ODR4: variants seen among roughly 807,000 people sequenced by gnomAD.
ODR4 encodes the protein odr-4 GPCR localization factor homolog.
Under a neutral mutation model 60.2 loss-of-function variants are expected in ODR4, and 47 were observed. The observed-to-expected ratio is 0.78, with a 90% CI of 0.62 to 1.00. The LOEUF is 1.00. Among genes scored for constraint, ODR4 ranks in the 50% least tolerant of loss-of-function variants. ODR4 has a pLI of 0.00. For missense variants in ODR4, 488 were observed against 530.8 expected (o/e 0.92, Z 0.79); for synonymous variants, 178 against 175.5 (o/e 1.01, Z -0.11).
rs544359408 is a variant in ODR4 at position 186,383,748 on chromosome 1, G to A, written c.234+592G>A. Among the ~76,000 whole-genome samples, 279 of 139,204 alleles carry A rather than the reference G, an allele frequency of 2.0e-3. 1 individual carries two copies. Among genetic ancestry groups the A allele is most frequent in the African/African-American group, 6.7e-3 (264 of 39,396 alleles). 91.3% of individuals were successfully genotyped at this position (139,204 alleles called of 152,430 possible). ...GTGTTTGATTATGGAGCAGTGTGTA[G>A]TTATATTTAAAAAAAAAATAAAATC... On this transcript the variant is annotated intron_variant, in intron 3 of 13. Transcript: ENST00000287859.
chr1:186,381,018 A>G (rs1659998924), intron 2 of ODR4, among the ~76,000 whole-genome samples: 2 of 152,232 alleles, frequency 1.3e-5, no homozygotes, highest in Non-Finnish European at 2.9e-5. Flanking sequence ...TGGTTCAACC[A>G]GGTAGCACCA....
At chr1:186,402,367 T>C (rs577346475) in intron 11 of ODR4, among the ~76,000 whole-genome samples, 3 of 137,330 alleles carry the variant, frequency 2.2e-5, no homozygotes, top group African/African-American at 1.0e-4. Context: ...TTTCCTTTTC[T>C]CTCTCCTTCC....
intron 12 of ODR4, among the ~76,000 whole-genome samples, chr1:186,414,405 A>G (rs1422841676): frequency 6.6e-6 from 1 of 152,142 alleles, no homozygotes; most frequent in African/African-American, 2.4e-5. Flanking sequence ...TTTATATGCA[A>G]GTATTCAAGT....
At chr1:186,381,429 G>C (rs961297825) in intron 2 of ODR4, among the ~76,000 whole-genome samples, 1 of 151,738 alleles carries the variant, frequency 6.6e-6, no homozygotes, top group African/African-American at 2.4e-5. Context: ...TGGGGTTCAC[G>C]CCATTCTCCT....
intron 7 of ODR4, among the ~76,000 whole-genome samples, chr1:186,391,270 T>C (rs1209568083): frequency 6.6e-6 from 1 of 151,984 alleles, no homozygotes; most frequent in Non-Finnish European, 1.5e-5. Flanking sequence ...TTCCAGTTCT[T>C]TTTTGTATTT....
downstream of ODR4, among the ~76,000 whole-genome samples, chr1:186,421,931 A>G (rs1376758843): frequency 6.6e-6 from 1 of 151,658 alleles, no homozygotes; most frequent in African/African-American, 2.4e-5. Flanking sequence ...CAGAATAGGT[A>G]TGCAATAACC....
At chr1:186,413,909 G>C (rs1416718803) in intron 12 of ODR4, among the ~76,000 whole-genome samples, 1 of 152,088 alleles carries the variant, frequency 6.6e-6, no homozygotes, top group Non-Finnish European at 1.5e-5. Flanking sequence ...CACAGCCCTT[G>C]TTTTCTCTCT....
At chr1:186,387,271 C>T (rs957661583) in intron 4 of ODR4, among the ~76,000 whole-genome samples, 1 of 152,128 alleles carries the variant, frequency 6.6e-6, no homozygotes, top group Non-Finnish European at 1.5e-5. Flanking sequence ...TTGTTTAACC[C>T]TCTGCCAACT....
chr1:186,399,011 G>A lies in ODR4; in HGVS notation c.967G>A (p.Asp323Asn), dbSNP rs755176791. Residue 323 changes from aspartate (D) to asparagine (N), a missense_variant, in exon 11 of 14, where the codon GAT (aspartate) becomes AAT (asparagine). Asp to Asn is a conservative substitution (Grantham distance 23). Coordinates refer to ENST00000287859, the MANE Select transcript of ODR4 (RefSeq NM_017847.6). The stretch of plus-strand genomic sequence containing the variant: ...TGATCGTTGTGAAATGCTATTTGAG[G>A]ATCTGCTTTTGAATGAAATTCCAGA... ...VADRCEMLFE[D>N]LLLNEIPEKK... is the part of the protein sequence containing the mutation. 4 of 1,612,710 alleles carry A rather than the reference G, an allele frequency of 2.5e-6. No homozygotes were observed. The highest frequency in any genetic ancestry group is 3.4e-6 in the Non-Finnish European group (4 of 1,179,378).
At chr1:186,399,261 G>T in intron 11 of ODR4, 1 of 542,764 alleles carries the variant, frequency 1.8e-6, no homozygotes, top group South Asian at 1.6e-5. Flanking sequence ...CTGGGGTGCA[G>T]TGGCACAGTC....
downstream of ODR4, among the ~76,000 whole-genome samples, chr1:186,422,336 ACTGAAGCAACAATAGGG>A (rs1362408185): frequency 6.6e-6 from 1 of 152,198 alleles, no homozygotes; most frequent in Non-Finnish European, 1.5e-5. Flanking sequence ...AAATGTATGA[ACTGAAGCAACAATAGGG>A]CTGAAGCAAC....
chr1:186,387,180 A>G (rs535801961), intron 4 of ODR4, among the ~76,000 whole-genome samples: 11 of 152,288 alleles, frequency 7.2e-5, no homozygotes, highest in Admixed American at 2.0e-4. Flanking sequence ...CTGTCCTGTC[A>G]GATGTCCCAG....
intron 7 of ODR4, among the ~76,000 whole-genome samples, chr1:186,391,330 A>C (rs1440721383): frequency 7.8e-6 from 1 of 128,568 alleles, no homozygotes; most frequent in African/African-American, 3.0e-5. Flanking sequence ...TTTCCCATTG[A>C]AGATGTCAAA....
chr1:186,416,855 C>CAAAAA (rs71104859), intron 12 of ODR4, among the ~76,000 whole-genome samples: 2 of 85,716 alleles, frequency 2.3e-5, no homozygotes, highest in African/African-American at 5.0e-5. Context: ...GATTCTGTCT[C>CAAAAA]AAAAAAAAAA....
rs753453741 is a variant in ODR4, at chr1:186,419,076, G to A, written c.1365G>A (p.Ter455=). The A allele has an allele frequency of 2.5e-6, 4 of 1,608,764 alleles. No individual in the cohort carries two copies. In the Admixed American group the frequency reaches 5.0e-5, roughly 20 times the overall value. The part of the protein sequence containing the change: ...AGISFHYFSD[*] ...TCTCCTTTCATTACTTCAGTGATTA[G>A]GGTGAGGCACAAAGAGTTTCTTGAT... Residue 455 remains the stop codon, a stop_retained_variant, in exon 14 of 14, where the codon TAG becomes TAA. Coordinates refer to ENST00000287859, the MANE Select transcript of ODR4 (RefSeq NM_017847.6).
intron 13 of ODR4, 144 bp from the exon 14 acceptor site, chr1:186,418,865 T>C: frequency 1.5e-6 from 1 of 668,982 alleles, no homozygotes; most frequent in Non-Finnish European, 2.6e-6. Context: ...TTTTAGTATA[T>C]ACATATGTAT....
chr1:186,415,655 T>G (rs142108740), intron 12 of ODR4, among the ~76,000 whole-genome samples: 1 of 152,292 alleles, frequency 6.6e-6, no homozygotes, highest in Non-Finnish European at 1.5e-5. Context: ...ACACTGGGAA[T>G]TTCTGTCAGA....
At chr1:186,408,790 G>A (rs796725438) in intron 12 of ODR4, among the ~76,000 whole-genome samples, 5 of 151,762 alleles carry the variant, frequency 3.3e-5, no homozygotes, top group African/African-American at 1.2e-4. Flanking sequence ...GGGTAGCACT[G>A]TATGCAAAAC....
At chr1:186,397,622 C>T (rs1003308446) in intron 9 of ODR4, among the ~76,000 whole-genome samples, 2 of 152,168 alleles carry the variant, frequency 1.3e-5, no homozygotes, top group African/African-American at 4.8e-5. Flanking sequence ...TTGAACATCA[C>T]ATTGGTGCTC....
Sources: allele counts gnomAD v4.1 joint callset (sites outside exome capture counted in the v4.1 genomes callset), GRCh38; gene constraint gnomAD v4.1.1; transcripts MANE v1.5; gene names NCBI Gene and HGNC (gene_info 2026-07-23, HGNC 2026-07-21).